CLEC16A: variants seen among roughly 807,000 people sequenced by gnomAD.
CLEC16A encodes the protein C-type lectin domain containing 16A.
Under a neutral mutation model 109.5 loss-of-function variants are expected in CLEC16A, and 51 were observed. The ratio of observed to expected loss-of-function variants is 0.47; its 90% CI spans 0.37 to 0.59. CLEC16A has a LOEUF of 0.59. CLEC16A is among the 20% of genes least tolerant of loss of function. The probability of loss-of-function intolerance (pLI) is 0.00; values close to 1 mark genes in which losing one functional copy is unlikely to be tolerated. For missense variants in CLEC16A, 1,339 were observed against 1,394.0 expected (o/e 0.96, Z 0.63); for synonymous variants, 673 against 564.2 (o/e 1.19, Z -2.73).
intron 13 of CLEC16A, among the ~76,000 whole-genome samples, chr16:11,035,405 T>C (rs1481092350): frequency 6.6e-6 from 1 of 152,216 alleles, no homozygotes; most frequent in South Asian, 2.1e-4. Flanking sequence ...TATGGACTGT[T>C]GTGTTTGTGC....
intron 10 of CLEC16A, among the ~76,000 whole-genome samples, chr16:10,990,007 A>G (rs886512508): frequency 5.3e-5 from 8 of 152,172 alleles, no homozygotes; most frequent in African/African-American, 1.9e-4. Flanking sequence ...GACTGTACTC[A>G]TGATCCCCCA....
chr16:11,020,135 A>G (rs2152801992), intron 11 of CLEC16A, 58 bp from the exon 12 acceptor site: 11 of 1,545,836 alleles, frequency 7.1e-6, no homozygotes, highest in East Asian at 2.3e-5. Context: ...GAGCATGTGT[A>G]TAAATCTAGG....
chr16:11,079,583 A>C (rs2049586831), intron 19 of CLEC16A, among the ~76,000 whole-genome samples: 2 of 152,142 alleles, frequency 1.3e-5, no homozygotes, highest in South Asian at 4.2e-4. Context: ...GCACATCCAC[A>C]TTATCTTTTT....
Position 10,977,545 on chromosome 16 carries a change from GCT to G in CLEC16A, c.903+149_903+150del, listed in dbSNP as rs756802182. On this transcript the variant is annotated intron_variant, in intron 8 of 23. Coordinates refer to ENST00000409790, the MANE Select transcript of CLEC16A (RefSeq NM_015226.3). ...GTTTGTTTTTAAAAGACGGAGTTTT[GCT>G]CTTTTACCCAGGCTGGAGTGCAGTG... 1,048 of 813,586 alleles carry G rather than the reference GCT, an allele frequency of 1.3e-3. 2 individuals carry two copies. The highest frequency in any genetic ancestry group is 1.7e-3 in the Non-Finnish European group (899 of 533,644). 50.4% of individuals were successfully genotyped at this position (813,586 alleles called of 1,614,324 possible).
At chr16:10,959,619 T>G (rs1027235555) in intron 2 of CLEC16A, among the ~76,000 whole-genome samples, 3 of 152,144 alleles carry the variant, frequency 2.0e-5, no homozygotes, top group Admixed American at 2.0e-4. Flanking sequence ...CTCAAACTCC[T>G]GACCTCAGGT....
chr16:11,119,470 C>T (rs2052243006), intron 19 of CLEC16A, among the ~76,000 whole-genome samples: 1 of 152,120 alleles, frequency 6.6e-6, no homozygotes, highest in Non-Finnish European at 1.5e-5. Flanking sequence ...CTCATTGCAG[C>T]CTTGAACCAC....
intron 12 of CLEC16A, among the ~76,000 whole-genome samples, chr16:11,021,148 G>A (rs2046075829): frequency 6.6e-6 from 1 of 152,156 alleles, no homozygotes; most frequent in African/African-American, 2.4e-5. Flanking sequence ...ATCCTCTTTA[G>A]TAATCCAACT....
At chr16:11,073,682 C>G (rs1486030423) in intron 19 of CLEC16A, among the ~76,000 whole-genome samples, 4 of 152,198 alleles carry the variant, frequency 2.6e-5, no homozygotes, top group Non-Finnish European at 5.9e-5. Context: ...CCCTTGTCGC[C>G]CCTGCCTGGA....
chr16:10,993,845 T>G (rs187358936), intron 10 of CLEC16A, among the ~76,000 whole-genome samples: 88 of 152,328 alleles, frequency 5.8e-4, no homozygotes, highest in Non-Finnish European at 9.0e-4. Context: ...TCCCTCTTGA[T>G]TGAATGCCAG....
rs141484177 is a variant in CLEC16A at position 11,169,951 on chromosome 16, C to T, written c.2806+3399C>T. Among the ~76,000 whole-genome samples the T allele has an allele frequency of 1.3e-4, 20 of 152,300 alleles. No individual in the cohort carries two copies. In the East Asian group the frequency reaches 3.9e-3, roughly 29 times the overall value. On this transcript the variant is annotated intron_variant, in intron 23 of 23. Transcript: ENST00000409790. ...CTTGTTGAATCCTGCCACACTCCGC[C>T]TCACATTGTACAGTAGAAAACACAG...
In CLEC16A at chr16:10,944,645, C is replaced by A; in HGVS notation, c.-73C>A. ...CCGCCGCATCCTCCGCTTGTGCTAC[C>A]GCCGCGGGCGCTGGGCCGCTCTGCT... On this transcript the variant is annotated 5_prime_UTR_variant, in exon 1 of 24. Transcript: ENST00000409790. 1 of 1,425,434 alleles carries A rather than the reference C, an allele frequency of 7.0e-7. No individual in the cohort carries two copies. 88.3% of individuals were successfully genotyped at this position (1,425,434 alleles called of 1,614,324 possible). A position where few individuals can be genotyped will look rare whatever the true frequency, so the allele number is the denominator to read the frequency against.
chr16:10,964,642 C>T (rs945425187), intron 3 of CLEC16A, among the ~76,000 whole-genome samples: 1 of 152,208 alleles, frequency 6.6e-6, no homozygotes, highest in African/African-American at 2.4e-5. Context: ...TGGGAAGCCT[C>T]TCAAAGTCCA....
chr16:11,138,307 C>G (rs928035011), intron 22 of CLEC16A, among the ~76,000 whole-genome samples: 24 of 152,150 alleles, frequency 1.6e-4, no homozygotes, highest in African/African-American at 5.6e-4. Context: ...TTGGCACATG[C>G]AAAGGTGTGG....
Position 11,179,555 on chromosome 16 carries a change from C to T in CLEC16A, c.*865C>T, listed in dbSNP as rs77949602. ...AATGTAGCCAGCTCCCCACTCAGGA[C>T]GCTTCCTCATTTCTCTTCACCAAAA... is the stretch of plus-strand genomic sequence containing the variant. On this transcript the variant is annotated 3_prime_UTR_variant, in exon 24 of 24. Coordinates refer to ENST00000409790, the MANE Select transcript of CLEC16A (RefSeq NM_015226.3). The T allele has an allele frequency of 2.6e-5, 4 of 152,222 alleles. No individual in the cohort carries two copies. The highest frequency in any genetic ancestry group is 5.9e-5 in the Non-Finnish European group (4 of 68,046). The allele number at this position is 152,222 out of a possible 1,614,324, so 9.4% of individuals were successfully genotyped here.
At chr16:11,016,227 A>G (rs1255366485) in intron 11 of CLEC16A, among the ~76,000 whole-genome samples, 1 of 152,172 alleles carries the variant, frequency 6.6e-6, no homozygotes, top group East Asian at 1.9e-4. Context: ...GAGATGGCCA[A>G]GGTAGTTGGA....
intron 13 of CLEC16A, among the ~76,000 whole-genome samples, chr16:11,031,197 C>T (rs1346449648): frequency 6.6e-6 from 1 of 152,238 alleles, no homozygotes; most frequent in Admixed American, 6.5e-5. Context: ...TGATTGGTTG[C>T]TGCTCAGCTA....
intron 11 of CLEC16A, among the ~76,000 whole-genome samples, chr16:11,013,081 G>A (rs1333352820): frequency 1.3e-5 from 2 of 152,124 alleles, no homozygotes; most frequent in Admixed American, 1.3e-4. Context: ...TACATCTCTG[G>A]GATGAGGGAG....
chr16:11,097,877 A>G (rs2050694471), intron 19 of CLEC16A, among the ~76,000 whole-genome samples: 1 of 152,222 alleles, frequency 6.6e-6, no homozygotes, highest in Non-Finnish European at 1.5e-5. Context: ...CACCAACTTC[A>G]GTGTTGGCTC....
At position 11,166,469 on chromosome 16, in the gene CLEC16A, C is replaced by G. The variant is rs374325977; in HGVS notation, c.2723C>G (p.Pro908Arg). 6.2e-6 allele frequency: 10 copies of G among 1,608,470 alleles called. No homozygotes were observed. Among genetic ancestry groups the G allele is most frequent in the African/African-American group, 1.3e-5 (1 of 74,920 alleles). ...TCGCCACCCTCCGCCAGCGGGAGCC[C>G]CAGCGGCAGCGGGAGCACCAGCCAC... ...SQSPPSASGS[P>R]SGSGSTSHCD... Residue 908 changes from proline (P) to arginine (R), a missense_variant, in exon 23 of 24, where the codon CCC (proline) becomes CGC (arginine). By Grantham distance (103) the Pro-to-Arg change is moderately radical. Coordinates refer to ENST00000409790, the MANE Select transcript of CLEC16A (RefSeq NM_015226.3).
Sources: gnomAD v4.1 joint callset for allele counts (sites outside exome capture counted in the v4.1 genomes callset) on GRCh38, gnomAD v4.1.1 for gene constraint, MANE v1.5 for transcripts, NCBI Gene and HGNC (gene_info 2026-07-23, HGNC 2026-07-21) for gene names.